TERF2: variants seen among roughly 807,000 people sequenced by gnomAD.
The protein encoded by TERF2 is telomeric repeat-binding factor 2.
In TERF2, 16 loss-of-function variants were observed where a neutral mutation model predicts 56.1. That is an observed-to-expected ratio of 0.29 (90% CI 0.19 to 0.43). The LOEUF is 0.43. Ranked by LOEUF, TERF2 falls within the 20% of genes least tolerant of loss-of-function variation. The probability of loss-of-function intolerance (pLI) is 1.00; values close to 1 mark genes in which losing one functional copy is unlikely to be tolerated. For synonymous variants in TERF2, 296 were observed against 282.1 expected (o/e 1.05, Z -0.50); for missense variants, 547 against 712.9 (o/e 0.77, Z 2.65).
At chr16:69,376,596 A>C (rs2013792061) in intron 3 of TERF2, among the ~76,000 whole-genome samples, 1 of 151,842 alleles carries the variant, frequency 6.6e-6, no homozygotes, top group Non-Finnish European at 1.5e-5. Context: ...CTGCAATCTC[A>C]GCACTTTGGA....
intron 7 of TERF2, among the ~76,000 whole-genome samples, chr16:69,364,023 C>T (rs1281572896): frequency 2.0e-5 from 3 of 152,162 alleles, no homozygotes; most frequent in African/African-American, 7.2e-5. Context: ...GAATATGGAA[C>T]AGACAGACAA....
rs2013527312 is a variant in TERF2, at chr16:69,370,512, G to A, written c.811C>T (p.Leu271=). The change falls in exon 5 of 10, where the codon CTG becomes TTG. Residue 271 remains leucine, a synonymous_variant. Transcript: ENST00000254942. ...QKMLRFLESH[L]DDAEPYLLTM... ...AGGAGGTAGGGCTCGGCGTCATCCA[G>A]GTGGCTCTCCAGGAAGCGCAGCATC... is the stretch of plus-strand genomic sequence containing the variant. The A allele has an allele frequency of 6.2e-7, 1 of 1,614,208 alleles. No individual in the cohort carries two copies. The highest frequency in any genetic ancestry group is 2.2e-5 in the East Asian group (1 of 44,888).
intron 8 of TERF2, among the ~76,000 whole-genome samples, chr16:69,357,900 G>A (rs957410515): frequency 1.4e-5 from 2 of 147,562 alleles, no homozygotes; most frequent in African/African-American, 5.1e-5. Flanking sequence ...CCAGGCTGGA[G>A]TGCAGTGGCG....
chr16:69,376,873 A>AAAC (rs1478258656), intron 3 of TERF2, among the ~76,000 whole-genome samples: 11 of 150,670 alleles, frequency 7.3e-5, no homozygotes, highest in African/African-American at 2.4e-4. Context: ...GAAAAAAAAA[A>AAAC]AAAAAAACTG....
At chr16:69,380,802 ATTT>A (rs1159431847) in intron 3 of TERF2, among the ~76,000 whole-genome samples, 1 of 140,750 alleles carries the variant, frequency 7.1e-6, no homozygotes, top group African/African-American at 2.6e-5. Context: ...ACATTCATTA[ATTT>A]TTTTTTTTTT....
At chr16:69,364,803 G>A (rs1313367981) in intron 7 of TERF2, among the ~76,000 whole-genome samples, 2 of 152,156 alleles carry the variant, frequency 1.3e-5, no homozygotes, top group African/African-American at 4.8e-5. Flanking sequence ...TAAGTGGCCA[G>A]GGCACCTCAC....
chr16:69,377,169 CT>C (rs1364077929), intron 3 of TERF2, among the ~76,000 whole-genome samples: 1 of 149,008 alleles, frequency 6.7e-6, no homozygotes, highest in Non-Finnish European at 1.5e-5. Flanking sequence ...TGCCACTGCA[CT>C]CCAGCCTGGG....
intron 4 of TERF2, among the ~76,000 whole-genome samples, 182 bp from the exon 5 acceptor site, chr16:69,370,811 T>A (rs1567449796): frequency 1.3e-5 from 2 of 152,116 alleles, no homozygotes; most frequent in East Asian, 1.9e-4. Context: ...TCAGCCACAG[T>A]GGGTTACTAT....
chr16:69,385,899 G>T lies in TERF2; in HGVS notation c.73C>A (p.Pro25Thr). 1 of 1,382,958 alleles carries T rather than the reference G, an allele frequency of 7.2e-7. No homozygotes were observed. Among genetic ancestry groups the T allele is most frequent in the Non-Finnish European group, 9.4e-7 (1 of 1,066,962 alleles). 85.7% of individuals were successfully genotyped at this position (1,382,958 alleles called of 1,614,324 possible). The stretch of plus-strand genomic sequence containing the variant: ...CCCTCCCGGCCGGGCCGCTTCCTCG[G>T]CTGTGACGCCGCTGGGTCACGCACG... ...GVVRDPAASQ[P>T]RKRPGREGGE... is the part of the protein sequence containing the mutation. Residue 25 changes from proline (P) to threonine (T), a missense_variant, in exon 1 of 10, where the codon CCG (proline) becomes ACG (threonine). Physicochemically the swap from Pro to Thr is conservative, Grantham distance 38. This residue lies in a region of TERF2 where 85 missense variants were observed against 59.5 expected (regional missense o/e 1.43). Coordinates refer to ENST00000254942, the MANE Select transcript of TERF2 (RefSeq NM_005652.5).
chr16:69,379,872 C>A (rs1398163705), intron 3 of TERF2, among the ~76,000 whole-genome samples: 2 of 152,032 alleles, frequency 1.3e-5, no homozygotes, highest in Admixed American at 1.3e-4. Context: ...ATGCTCATAA[C>A]TGCTTCTGTA....
chr16:69,374,171 T>A (rs984990984), intron 3 of TERF2, among the ~76,000 whole-genome samples: 7 of 152,376 alleles, frequency 4.6e-5, no homozygotes, highest in Admixed American at 1.3e-4. Flanking sequence ...TTTACTTTTT[T>A]AATCATACAG....
At position 69,372,286 on chromosome 16, in the gene TERF2, T is replaced by C; in HGVS notation, c.676A>G (p.Lys226Glu). Residue 226 changes from lysine to glutamate, a missense_variant, in exon 4 of 10, where the codon AAG becomes GAG. Physicochemically the swap from Lys to Glu is moderately conservative, Grantham distance 56 (BLOSUM62 1). Around this residue, in one of 6 missense-constraint regions of TERF2, gnomAD observed 97 missense variants for 157.0 expected, o/e 0.62. Transcript: ENST00000254942. ...ASKILKKHMS[K>E]DPTTQKLRND... is the part of the protein sequence containing the mutation. ...AAATTTACCTGAGTTGTGGGGTCCTTGGACATATGTTTTTTCAAAATTTTT... is the reference window on the plus strand; with the variant it reads ...AAATTTACCTGAGTTGTGGGGTCCTCGGACATATGTTTTTTCAAAATTTTT... The C allele has an allele frequency of 6.2e-7, 1 of 1,610,726 alleles. No individual in the cohort carries two copies. The highest frequency in any genetic ancestry group is 8.5e-7 in the Non-Finnish European group (1 of 1,178,654).
chr16:69,364,091 TG>T (rs2013249922), intron 7 of TERF2, among the ~76,000 whole-genome samples: 1 of 152,234 alleles, frequency 6.6e-6, no homozygotes, highest in African/African-American at 2.4e-5. Context: ...ACAGGTGTTT[TG>T]GGTGTCACTC....
rs189353887 is a variant in TERF2, at chr16:69,356,583, G to A, written c.*315C>T. The stretch of plus-strand genomic sequence containing the variant: ...TGGGAGGCCGAGTTGGGTGGATCAC[G>A]AGGTCAGGAGATCGAGACCATCCTG... On this transcript the variant is annotated 3_prime_UTR_variant, in exon 10 of 10. Coordinates refer to ENST00000254942, the MANE Select transcript of TERF2 (RefSeq NM_005652.5). The A allele has an allele frequency of 6.8e-5, 17 of 251,710 alleles. 1 individual carries two copies. In the East Asian group the frequency reaches 9.4e-4, roughly 14 times the overall value. 15.6% of individuals were successfully genotyped at this position (251,710 alleles called of 1,614,324 possible).
intron 7 of TERF2, among the ~76,000 whole-genome samples, chr16:69,364,017 A>G (rs139539282): frequency 1.3e-5 from 2 of 152,120 alleles, no homozygotes; most frequent in African/African-American, 4.8e-5. Context: ...AGAAAAGAAT[A>G]TGGAACAGAC....
chr16:69,367,233 C>T (rs373397217), intron 6 of TERF2, 34 bp from the exon 7 acceptor site: 28 of 1,564,712 alleles, frequency 1.8e-5, no homozygotes, highest in Non-Finnish European at 2.4e-5. Flanking sequence ...AGATGTTTTT[C>T]ACCACTGATG....
chr16:69,367,403 G>A (rs1422759142), intron 6 of TERF2, among the ~76,000 whole-genome samples: 1 of 152,064 alleles, frequency 6.6e-6, no homozygotes, highest in African/African-American at 2.4e-5. Context: ...TAGGGTCTGG[G>A]TCTGTCCTAG....
At chr16:69,357,405 C>CA in intron 9 of TERF2, 113 bp downstream of exon 9, 4 of 860,900 alleles carry the variant, frequency 4.6e-6, no homozygotes, top group Non-Finnish European at 5.5e-6. Context: ...CTGAAAATCT[C>CA]AAAAAAAGGT....
chr16:69,384,786 A>G (rs956332514), intron 2 of TERF2, 76 bp from the exon 3 acceptor site: 5 of 1,320,750 alleles, frequency 3.8e-6, no homozygotes, highest in African/African-American at 1.5e-5. Flanking sequence ...TTATATATAT[A>G]TATTTATGGA....
Sources: gnomAD v4.1 joint callset for allele counts (sites outside exome capture counted in the v4.1 genomes callset) on GRCh38, gnomAD v4.1.1 for gene constraint, gnomAD v4.1.1 regional missense constraint, MANE v1.5 for transcripts, NCBI Gene and HGNC (gene_info 2026-07-23, HGNC 2026-07-21) for gene names.